Variants in PIP4K2B observed in about 807,000 individuals in gnomAD.
PIP4K2B encodes phosphatidylinositol 5-phosphate 4-kinase type-2 beta.
In PIP4K2B, 3 loss-of-function variants were observed where a neutral mutation model predicts 42.0. The ratio of observed to expected loss-of-function variants is 0.07; its 90% CI spans 0.03 to 0.18. PIP4K2B has a LOEUF of 0.18. Ranked by LOEUF, PIP4K2B falls within the 10% of genes least tolerant of loss-of-function variation. The pLI is 1.00. For synonymous variants in PIP4K2B, 204 were observed against 210.1 expected (o/e 0.97, Z 0.25); for missense variants, 332 against 562.3 (o/e 0.59, Z 4.14).
chr17:38,787,043 T>G (rs1910061813), intron 1 of PIP4K2B, 123 bp from the exon 2 acceptor site: 13 of 735,850 alleles, frequency 1.8e-5, no homozygotes, highest in Non-Finnish European at 2.4e-5. Flanking sequence ...TCTGTCTTTT[T>G]TTGTTTTTTT....
At chr17:38,785,897 G>A (rs1488183896) in intron 2 of PIP4K2B, among the ~76,000 whole-genome samples, 1 of 152,140 alleles carries the variant, frequency 6.6e-6, no homozygotes, top group Non-Finnish European at 1.5e-5. Context: ...TTTCTTCTGG[G>A]TCAGAACAAC....
intron 1 of PIP4K2B, among the ~76,000 whole-genome samples, chr17:38,787,890 G>A (rs909574445): frequency 2.0e-5 from 3 of 152,286 alleles, no homozygotes; most frequent in East Asian, 1.9e-4. Context: ...GAGCCACCAC[G>A]CTCGGCTTTA....
intron 3 of PIP4K2B, among the ~76,000 whole-genome samples, chr17:38,781,013 A>C (rs535407076): frequency 3.7e-4 from 56 of 152,208 alleles, no homozygotes; most frequent in African/African-American, 1.3e-3. Context: ...AGGAACACAA[A>C]GATGCAGACT....
intron 7 of PIP4K2B, chr17:38,776,532 A>C (rs1909352977): frequency 2.6e-6 from 1 of 379,226 alleles, no homozygotes; most frequent in South Asian, 1.9e-5. Flanking sequence ...AGGCTGAGGT[A>C]GGAGAATCAC....
chr17:38,792,077 C>T (rs939522484), intron 1 of PIP4K2B, among the ~76,000 whole-genome samples: 3 of 151,160 alleles, frequency 2.0e-5, no homozygotes, highest in South Asian at 2.1e-4. Flanking sequence ...GCCTGGGTGA[C>T]AGAACCAGAC....
rs1328684944 is a variant in PIP4K2B, at chr17:38,799,447, G to A, written c.-23C>T. 5 of 1,551,606 alleles carry A rather than the reference G, an allele frequency of 3.2e-6. No homozygotes were observed. Among genetic ancestry groups the A allele is most frequent in the Admixed American group, 2.0e-5 (1 of 49,940 alleles). ...CATGCCCGGGGCGGCGGCGGCGGCG[G>A]CGAAAGAGGGGGGCGGCGGAGACAG... On this transcript the variant is annotated 5_prime_UTR_variant, in exon 1 of 10. Transcript: ENST00000619039. This position sits in a 1 kb window ranked among gnomAD's most constrained non-coding sequence, Gnocchi z 4.4.
chr17:38,777,125 T>A (rs368547440), intron 7 of PIP4K2B, among the ~76,000 whole-genome samples: 3 of 152,288 alleles, frequency 2.0e-5, no homozygotes, highest in South Asian at 2.1e-4. Context: ...AGTGTAGTGG[T>A]GAGACCACAG....
Position 38,780,504 on chromosome 17 carries a change from A to G in PIP4K2B, c.455T>C (p.Val152Ala). The change falls in exon 4 of 10, where the codon GTG (valine) becomes GCG (alanine). Residue 152 changes from valine to alanine, a missense_variant. Coordinates refer to ENST00000619039, the MANE Select transcript of PIP4K2B (RefSeq NM_003559.5). ...TYDRRFVIKTVSSEDVAEMHN... is the reference protein window; with the variant it reads ...TYDRRFVIKTASSEDVAEMHN... ...CATCTCCGCCACGTCCTCGCTGGAC[A>G]CAGTCTTGATGACAAAGCGCCGGTC... 1 of 1,613,992 alleles carries G rather than the reference A, an allele frequency of 6.2e-7. No individual in the cohort carries two copies. Among genetic ancestry groups the G allele is most frequent in the Non-Finnish European group, 8.5e-7 (1 of 1,179,866 alleles).
At chr17:38,785,771 T>C (rs777436468) in intron 2 of PIP4K2B, among the ~76,000 whole-genome samples, 3 of 152,190 alleles carry the variant, frequency 2.0e-5, no homozygotes, top group Non-Finnish European at 2.9e-5. Context: ...TTGGGTTCTC[T>C]GCTTTAGGCC....
At chr17:38,777,951 C>T (rs1401176045) in intron 6 of PIP4K2B, 151 bp from the exon 7 acceptor site, 3 of 624,556 alleles carry the variant, frequency 4.8e-6, no homozygotes, top group South Asian at 1.9e-5. Context: ...GTGCAGGAGC[C>T]TCTAGTCCCA....
chr17:38,793,889 A>G (rs1910477113), intron 1 of PIP4K2B, among the ~76,000 whole-genome samples: 1 of 152,056 alleles, frequency 6.6e-6, no homozygotes, highest in Non-Finnish European at 1.5e-5. Context: ...CAAACAAAAA[A>G]AAAAACAAGA....
rs774024612 is a variant in PIP4K2B, at chr17:38,786,916, T to G, written c.164A>C (p.Asn55Thr). ...AGGAACAGGAACATTGCTCAGCTCA[T>G]TGATCTGAAAAGCAAGGAGAACGTA... ...VLMWGVNHTINELSNVPVPVM... is the reference protein window; with the variant it reads ...VLMWGVNHTITELSNVPVPVM... The change falls in exon 2 of 10, where the codon AAT (asparagine) becomes ACT (threonine). Residue 55 changes from asparagine (N) to threonine (T), a missense_variant. Coordinates refer to ENST00000619039, the MANE Select transcript of PIP4K2B (RefSeq NM_003559.5). 6.2e-7 allele frequency: 1 copy of G among 1,609,012 alleles called. No individual in the cohort carries two copies. The highest frequency in any genetic ancestry group is 1.3e-5 in the African/African-American group (1 of 74,846).
In PIP4K2B at chr17:38,786,889, A is replaced by G; in HGVS notation, c.191T>C (p.Val64Ala). The change falls in exon 2 of 10, where the codon GTC becomes GCC. Residue 64 changes from valine to alanine, a missense_variant. Val to Ala is a moderately conservative substitution (Grantham distance 64, BLOSUM62 0). Coordinates refer to ENST00000619039, the MANE Select transcript of PIP4K2B (RefSeq NM_003559.5). Reference sequence around the variant, plus strand: ...TTTGAAGTCATCTGGCATTAGCATGACAGGAACAGGAACATTGCTCAGCTC... The same window carrying G: ...TTTGAAGTCATCTGGCATTAGCATGGCAGGAACAGGAACATTGCTCAGCTC... ...INELSNVPVP[V>A]MLMPDDFKAY... The G allele has an allele frequency of 1.2e-6, 2 of 1,613,240 alleles. No homozygotes were observed. Among genetic ancestry groups the G allele is most frequent in the Non-Finnish European group, 1.7e-6 (2 of 1,179,148 alleles).
At chr17:38,771,391 A>AT in intron 7 of PIP4K2B, 119 bp from the exon 8 acceptor site, 3 of 1,210,538 alleles carry the variant, frequency 2.5e-6, no homozygotes, top group Non-Finnish European at 2.3e-6. Context: ...CAGTTTTGAA[A>AT]TTCAACAGAG....
chr17:38,766,525 C>T lies in PIP4K2B; in HGVS notation c.*3166G>A, dbSNP rs1908713706. The stretch of plus-strand genomic sequence containing the variant: ...GAAAGGCAGGGCAGGAGTGTAGCCT[C>T]ACGCCCTGAGCGCTACCAGCAGGCC... On this transcript the variant is annotated 3_prime_UTR_variant, in exon 10 of 10. Transcript: ENST00000619039. 6.6e-6 allele frequency: 1 copy of T among 152,646 alleles called. No individual in the cohort carries two copies. The highest frequency in any genetic ancestry group is 6.5e-5 in the Admixed American group (1 of 15,274). The allele number at this position is 152,646 out of a possible 1,614,324, so 9.5% of individuals were successfully genotyped here.
At position 38,766,508 on chromosome 17, in the gene PIP4K2B, G is replaced by A. The variant is rs1908713222; in HGVS notation, c.*3183C>T. The A allele has an allele frequency of 6.5e-6, 1 of 152,690 alleles. No homozygotes were observed. Among genetic ancestry groups the A allele is most frequent in the Non-Finnish European group, 1.5e-5 (1 of 68,096 alleles). The allele number at this position is 152,690 out of a possible 1,614,324, so 9.5% of individuals were successfully genotyped here. ...GCAGACCATGAAGACAGGAAAGGCA[G>A]GGCAGGAGTGTAGCCTCACGCCCTG... On this transcript the variant is annotated 3_prime_UTR_variant, in exon 10 of 10. Transcript: ENST00000619039.
chr17:38,799,538 T>G lies in PIP4K2B; in HGVS notation c.-114A>C. The stretch of plus-strand genomic sequence containing the variant: ...CCACCCCCGCTCCCTCACCGCGCCA[T>G]GGTCGCGCCCGTCCCGTTACCTCCC... On this transcript the variant is annotated 5_prime_UTR_variant, in exon 1 of 10. An upstream start codon of the reference 5' UTR is lost. Transcript: ENST00000619039. This position sits in a 1 kb window ranked among gnomAD's most constrained non-coding sequence, Gnocchi z 4.4. 4.0e-6 allele frequency: 5 copies of G among 1,258,658 alleles called. No individual in the cohort carries two copies. The highest frequency in any genetic ancestry group is 4.0e-6 in the Non-Finnish European group (4 of 988,332). 78.0% of individuals were successfully genotyped at this position (1,258,658 alleles called of 1,614,324 possible).
chr17:38,791,570 C>T (rs1049250792), intron 1 of PIP4K2B, among the ~76,000 whole-genome samples: 5 of 150,874 alleles, frequency 3.3e-5, no homozygotes, highest in Admixed American at 6.6e-5. Context: ...CCACCATGCC[C>T]GGCTAATTTT....
In PIP4K2B at chr17:38,799,428, C is replaced by G. The variant is rs1567666289; in HGVS notation, c.-4G>C. On this transcript the variant is annotated 5_prime_UTR_variant, in exon 1 of 10. Coordinates refer to ENST00000619039, the MANE Select transcript of PIP4K2B (RefSeq NM_003559.5). The surrounding 1 kb of genome is among the most constrained non-coding windows in gnomAD (Gnocchi z 4.4). Reference sequence around the variant, plus strand: ...TGCTGGTGCAGTTGGACGACATGCCCGGGGCGGCGGCGGCGGCGGCGAAAG... The same window carrying G: ...TGCTGGTGCAGTTGGACGACATGCCGGGGGCGGCGGCGGCGGCGGCGAAAG... 53 of 1,578,752 alleles carry G rather than the reference C, an allele frequency of 3.4e-5. No individual in the cohort carries two copies. Among genetic ancestry groups the G allele is most frequent in the Non-Finnish European group, 4.5e-5 (53 of 1,169,160 alleles).
Sources: gnomAD v4.1 joint callset for allele counts (sites outside exome capture counted in the v4.1 genomes callset) on GRCh38, gnomAD v4.1.1 for gene constraint, Gnocchi (gnomAD v3.1) non-coding constraint, MANE v1.5 for transcripts, NCBI Gene and HGNC (gene_info 2026-07-23, HGNC 2026-07-21) for gene names.